Variants in SMURF1 observed in about 807,000 individuals in gnomAD.
The protein encoded by SMURF1 is E3 ubiquitin-protein ligase SMURF1.
A neutral mutation model predicts 98.0 loss-of-function variants in SMURF1; 44 were observed. That is an observed-to-expected ratio of 0.45 (90% CI 0.35 to 0.58). SMURF1 has a LOEUF of 0.58. Among genes scored for constraint, SMURF1 ranks in the 20% least tolerant of loss-of-function variants. The pLI is 0.00. For synonymous variants in SMURF1, 396 were observed against 374.9 expected (o/e 1.06, Z -0.65); for missense variants, 687 against 938.4 (o/e 0.73, Z 3.50).
intron 1 of SMURF1, among the ~76,000 whole-genome samples, chr7:99,069,864 CAT>C (rs924655517): frequency 5.1e-4 from 78 of 152,350 alleles, no homozygotes; most frequent in Admixed American, 3.4e-3. Flanking sequence ...AAGACTCACA[CAT>C]GTTTCCACTA....
At chr7:99,039,575 CA>C (rs1262121491) in intron 13 of SMURF1, among the ~76,000 whole-genome samples, 1 of 152,124 alleles carries the variant, frequency 6.6e-6, no homozygotes, top group Non-Finnish European at 1.5e-5. Flanking sequence ...TCTCAAACTC[CA>C]ACCTTTGACC....
At chr7:99,113,766 G>A (rs1270314793) in intron 1 of SMURF1, among the ~76,000 whole-genome samples, 1 of 150,078 alleles carries the variant, frequency 6.7e-6, no homozygotes, top group Non-Finnish European at 1.5e-5. Flanking sequence ...GTGAACCCGG[G>A]AGGCGGAGCT....
intron 11 of SMURF1, among the ~76,000 whole-genome samples, chr7:99,043,977 G>A (rs1039261578): frequency 3.3e-5 from 5 of 152,208 alleles, no homozygotes; most frequent in Non-Finnish European, 5.9e-5. Flanking sequence ...AGGCCTTGCA[G>A]GAGACACGGG....
intron 1 of SMURF1, among the ~76,000 whole-genome samples, chr7:99,114,769 T>C (rs1270116120): frequency 6.6e-6 from 1 of 152,136 alleles, no homozygotes; most frequent in Non-Finnish European, 1.5e-5. Context: ...CAAGTCTTAA[T>C]AAATTTTAAA....
rs1213033559 is a variant in SMURF1 at position 99,045,852 on chromosome 7, G to A, written c.1153-51C>T. ...AGAGAAGAACATTCTTATTCTTAAA[G>A]TTATGAAAGGTCATTGATAATGGAG... On this transcript the variant is annotated intron_variant, in intron 10 of 17. Transcript: ENST00000361368. The A allele has an allele frequency of 8.5e-6, 12 of 1,417,388 alleles. No homozygotes were observed. The African/African-American group carries it at 1.7e-4, about 20-fold the overall frequency. The allele number at this position is 1,417,388 out of a possible 1,614,324, so 87.8% of individuals were successfully genotyped here.
At chr7:99,063,283 A>ATATATAAGATT (rs1796105979) in intron 1 of SMURF1, among the ~76,000 whole-genome samples, 2 of 17,360 alleles carry the variant, frequency 1.2e-4, no homozygotes, top group Non-Finnish European at 3.1e-4. Context: ...ATATATATAT[A>ATATATAAGATT]TATATATATA....
chr7:99,080,649 T>C (rs1031076039), intron 1 of SMURF1, among the ~76,000 whole-genome samples: 7 of 152,210 alleles, frequency 4.6e-5, no homozygotes, highest in Admixed American at 3.3e-4. Flanking sequence ...AAGGTACAGA[T>C]AATTCCCACC....
intron 1 of SMURF1, among the ~76,000 whole-genome samples, chr7:99,137,060 C>A (rs1315901841): frequency 1.3e-5 from 2 of 152,168 alleles, no homozygotes; most frequent in African/African-American, 4.8e-5. Context: ...AACACTATTT[C>A]TCTAAGGAAT....
intron 1 of SMURF1, among the ~76,000 whole-genome samples, chr7:99,139,598 G>A (rs958898156): frequency 6.6e-6 from 1 of 152,090 alleles, no homozygotes; most frequent in East Asian, 1.9e-4. Context: ...CAAAGTTTTT[G>A]CAAATCCTGC....
intron 1 of SMURF1, among the ~76,000 whole-genome samples, chr7:99,063,234 GATTT>G (rs1796080710): frequency 7.3e-4 from 15 of 20,460 alleles, no homozygotes; most frequent in African/African-American, 1.7e-3. Flanking sequence ...ATATATATAA[GATTT>G]ATTTATATAT....
At chr7:99,069,039 G>T (rs1248292718) in intron 1 of SMURF1, among the ~76,000 whole-genome samples, 1 of 152,146 alleles carries the variant, frequency 6.6e-6, no homozygotes, top group Non-Finnish European at 1.5e-5. Flanking sequence ...ATTTTAAGTG[G>T]CTGTTCTTTG....
At chr7:99,097,390 C>A (rs1796977782) in intron 1 of SMURF1, among the ~76,000 whole-genome samples, 2 of 152,180 alleles carry the variant, frequency 1.3e-5, no homozygotes, top group East Asian at 3.8e-4. Context: ...TTGGAAACTT[C>A]ATCTTCAATG....
intron 1 of SMURF1, among the ~76,000 whole-genome samples, chr7:99,076,138 C>CA (rs1456246355): frequency 6.6e-6 from 1 of 152,214 alleles, no homozygotes; most frequent in African/African-American, 2.4e-5. Flanking sequence ...ATCCTGGGCT[C>CA]AAGCGATCCT....
At chr7:99,046,568 T>C (rs1584456784) in intron 10 of SMURF1, among the ~76,000 whole-genome samples, 1 of 151,280 alleles carries the variant, frequency 6.6e-6, no homozygotes, top group Non-Finnish European at 1.5e-5. Flanking sequence ...CCATCTCTAC[T>C]AAAAATACAA....
At chr7:99,105,562 T>C (rs1451556822) in intron 1 of SMURF1, among the ~76,000 whole-genome samples, 6 of 152,234 alleles carry the variant, frequency 3.9e-5, no homozygotes, top group Admixed American at 2.6e-4. Context: ...TCCCATGTTA[T>C]AGGTGAGAAA....
At chr7:99,055,273 G>A (rs1317675766) in intron 5 of SMURF1, among the ~76,000 whole-genome samples, 2 of 151,892 alleles carry the variant, frequency 1.3e-5, no homozygotes, top group African/African-American at 2.4e-5. Context: ...TTTGAGACCA[G>A]CCTGGGCAAC....
intron 1 of SMURF1, among the ~76,000 whole-genome samples, chr7:99,127,624 C>T (rs147878534): frequency 6.6e-6 from 1 of 152,304 alleles, no homozygotes; most frequent in East Asian, 1.9e-4. Flanking sequence ...ATATTTTTCA[C>T]AATCACCCTT....
chr7:99,103,271 C>T (rs536103050), intron 1 of SMURF1, among the ~76,000 whole-genome samples: 13 of 152,140 alleles, frequency 8.5e-5, no homozygotes, highest in African/African-American at 2.2e-4. Flanking sequence ...TGTATACATA[C>T]GCCTGTGTTC....
intron 3 of SMURF1, 149 bp downstream of exon 3, chr7:99,060,450 T>C: frequency 2.0e-6 from 1 of 494,382 alleles, no homozygotes; most frequent in East Asian, 3.3e-5. Context: ...AATTCTAAAA[T>C]TAGGCAATGT....
Sources: gnomAD v4.1 joint callset for allele counts (sites outside exome capture counted in the v4.1 genomes callset) on GRCh38, gnomAD v4.1.1 for gene constraint, MANE v1.5 for transcripts, NCBI Gene and HGNC (gene_info 2026-07-23, HGNC 2026-07-21) for gene names.